CMIP: variants seen among roughly 807,000 people sequenced by gnomAD.
The protein encoded by CMIP is C-Maf-inducing protein.
A neutral mutation model predicts 97.3 loss-of-function variants in CMIP; 13 were observed. The observed-to-expected ratio is 0.13, with a 90% CI of 0.09 to 0.21. The LOEUF is 0.21. Ranked by LOEUF, CMIP falls within the 10% of genes least tolerant of loss-of-function variation. The probability of loss-of-function intolerance (pLI) is 1.00; values close to 1 mark genes in which losing one functional copy is unlikely to be tolerated. For missense variants in CMIP, 847 were observed against 1,024.9 expected (o/e 0.83, Z 2.37); for synonymous variants, 538 against 436.3 (o/e 1.23, Z -2.91).
chr16:81,639,546 A>G (rs1222628523), intron 3 of CMIP, among the ~76,000 whole-genome samples: 1 of 152,210 alleles, frequency 6.6e-6, no homozygotes, highest in Non-Finnish European at 1.5e-5. Context: ...TAATGTCCCC[A>G]AGGTTCATTC....
At chr16:81,615,555 A>G (rs1300543507) in intron 2 of CMIP, among the ~76,000 whole-genome samples, 1 of 85,250 alleles carries the variant, frequency 1.2e-5, no homozygotes, top group African/African-American at 4.8e-5. Context: ...TGCATGTGTA[A>G]CTGTATGGTG....
intron 1 of CMIP, chr16:81,518,707 G>C (rs1230984359): frequency 1.3e-5 from 2 of 152,130 alleles, no homozygotes; most frequent in Non-Finnish European, 2.9e-5. Context: ...TGTTGGTGTT[G>C]ATTAAAAAAT....
intron 1 of CMIP, among the ~76,000 whole-genome samples, chr16:81,455,986 G>A (rs1056170306): frequency 1.3e-5 from 2 of 152,256 alleles, no homozygotes; most frequent in Admixed American, 1.3e-4. Context: ...GGGAAGTGCA[G>A]TGGGGTCTCA....
intron 3 of CMIP, among the ~76,000 whole-genome samples, chr16:81,638,413 A>G (rs957770778): frequency 1.3e-5 from 2 of 152,166 alleles, no homozygotes; most frequent in Non-Finnish European, 2.9e-5. Flanking sequence ...TGAGCAGAAG[A>G]AAATCCCACA....
intron 1 of CMIP, among the ~76,000 whole-genome samples, chr16:81,472,224 C>A (rs563751111): frequency 6.6e-5 from 10 of 152,346 alleles, no homozygotes; most frequent in African/African-American, 2.4e-4. Flanking sequence ...TGTGTGACGT[C>A]TCTGCCTCAG....
intron 5 of CMIP, 74 bp from the exon 6 acceptor site, chr16:81,660,810 G>C (rs1390704124): frequency 3.3e-6 from 5 of 1,504,786 alleles, no homozygotes; most frequent in Non-Finnish European, 4.6e-6. Flanking sequence ...TTCACAATAT[G>C]GCCTGGAGAT....
intron 1 of CMIP, among the ~76,000 whole-genome samples, chr16:81,591,191 T>C (rs1212372809): frequency 6.6e-6 from 1 of 152,220 alleles, no homozygotes; most frequent in Non-Finnish European, 1.5e-5. Context: ...AGTTTTCTCA[T>C]CTATAAAATG....
intron 3 of CMIP, among the ~76,000 whole-genome samples, chr16:81,637,893 G>A (rs560235546): frequency 6.6e-6 from 1 of 152,106 alleles, no homozygotes; most frequent in Non-Finnish European, 1.5e-5. Flanking sequence ...GTCACAGAGG[G>A]TGCCTTCTCG....
chr16:81,504,476 C>G (rs776342592), intron 1 of CMIP, among the ~76,000 whole-genome samples: 2 of 151,460 alleles, frequency 1.3e-5, no homozygotes, highest in Non-Finnish European at 2.9e-5. Flanking sequence ...AACTCTGTCT[C>G]TACTAAAAAT....
chr16:81,586,165 G>T (rs975842638), intron 1 of CMIP, among the ~76,000 whole-genome samples: 3 of 151,886 alleles, frequency 2.0e-5, no homozygotes, highest in African/African-American at 7.3e-5. Context: ...AGACAGCCCC[G>T]CCCCACACCT....
intron 1 of CMIP, among the ~76,000 whole-genome samples, chr16:81,524,334 G>A (rs58915321): frequency 0.031 from 4,731 of 152,286 alleles, 65 homozygotes; most frequent in East Asian, 0.047. Context: ...GAGCTTAGAG[G>A]GGCAGAGACT....
At chr16:81,690,284 T>G (rs1239215377) in intron 10 of CMIP, among the ~76,000 whole-genome samples, 1 of 152,254 alleles carries the variant, frequency 6.6e-6, no homozygotes, top group Non-Finnish European at 1.5e-5. Flanking sequence ...TTCCTATCCA[T>G]GAGCATGGAA....
In CMIP at chr16:81,698,997, A is replaced by C. The variant is rs1266204153; in HGVS notation, c.1639-688A>C. On this transcript the variant is annotated intron_variant, in intron 14 of 20. Transcript: ENST00000537098. ...CCGGGCACAGTGGCTCACGCCTGTAATCCCAGCACTGTGGGAAGCCGAGTT... is the reference window on the plus strand; with the variant it reads ...CCGGGCACAGTGGCTCACGCCTGTACTCCCAGCACTGTGGGAAGCCGAGTT... Among the ~76,000 whole-genome samples, 9 of 152,358 alleles carry C rather than the reference A, an allele frequency of 5.9e-5. No homozygotes were observed. The East Asian group carries it at 1.7e-3, about 29-fold the overall frequency.
At chr16:81,581,614 A>C (rs930500150) in intron 1 of CMIP, among the ~76,000 whole-genome samples, 2 of 152,212 alleles carry the variant, frequency 1.3e-5, no homozygotes, top group African/African-American at 4.8e-5. Context: ...GTTTGAGTCC[A>C]TGTTTTCAGT....
chr16:81,662,693 G>T (rs2151022666), intron 6 of CMIP, among the ~76,000 whole-genome samples: 1 of 152,208 alleles, frequency 6.6e-6, no homozygotes, highest in East Asian at 1.9e-4. Flanking sequence ...TCCTCATCTG[G>T]GGGCCGGGTG....
At chr16:81,612,779 G>C (rs551175748) in intron 2 of CMIP, among the ~76,000 whole-genome samples, 1 of 151,952 alleles carries the variant, frequency 6.6e-6, no homozygotes, top group Non-Finnish European at 1.5e-5. Flanking sequence ...CTTGGGGTCT[G>C]GCTGGGGACC....
At chr16:81,490,576 C>T (rs956028205) in intron 1 of CMIP, among the ~76,000 whole-genome samples, 2 of 152,146 alleles carry the variant, frequency 1.3e-5, no homozygotes, top group Non-Finnish European at 2.9e-5. Flanking sequence ...GCCGGGATTA[C>T]GCCATCGCAC....
rs146880571 is a variant in CMIP at position 81,682,541 on chromosome 16, G to C, written c.1388+3913G>C. The stretch of plus-strand genomic sequence containing the variant: ...GATCACGCCATTGCGTTCCATCCTG[G>C]GCAACAAGAGCGAGACTCCCATCTC... On this transcript the variant is annotated intron_variant, in intron 10 of 20. Transcript: ENST00000537098. Among the ~76,000 whole-genome samples the C allele has an allele frequency of 9.9e-3, 1,502 of 152,068 alleles. 13 individuals are homozygous for C. The highest frequency in any genetic ancestry group is 0.015 in the Non-Finnish European group (1,026 of 68,010).
intron 1 of CMIP, among the ~76,000 whole-genome samples, chr16:81,535,101 C>G (rs902403025): frequency 6.6e-5 from 10 of 152,124 alleles, no homozygotes; most frequent in African/African-American, 2.4e-4. Context: ...CAGGCACCTG[C>G]CACCATGCCC....
Sources: allele counts gnomAD v4.1 joint callset (sites outside exome capture counted in the v4.1 genomes callset), GRCh38; gene constraint gnomAD v4.1.1; transcripts MANE v1.5; gene names NCBI Gene and HGNC (gene_info 2026-07-23, HGNC 2026-07-21).